The following BRINP3 variants were observed in gnomAD, a reference collection of about 807,000 sequenced individuals.
BRINP3 encodes BMP/retinoic acid inducible neural specific 3.
Under a neutral mutation model 71.0 loss-of-function variants are expected in BRINP3, and 19 were observed. The observed-to-expected ratio is 0.27, with a 90% CI of 0.19 to 0.39. BRINP3 has a LOEUF of 0.39. Among genes scored for constraint, BRINP3 ranks in the 10% least tolerant of loss-of-function variants. The pLI, the probability that BRINP3 is intolerant of heterozygous loss-of-function variation, is 1.00. For synonymous variants in BRINP3, 380 were observed against 337.7 expected, an observed-to-expected ratio of 1.13 and a Z score of -1.37; for missense variants, 959 against 940.8, an observed-to-expected ratio of 1.02 and a Z score of -0.25.
At chr1:190,349,244 G>T (rs1668215867) in intron 2 of BRINP3, among the ~76,000 whole-genome samples, 1 of 151,880 alleles carries the variant, frequency 6.6e-6, no homozygotes, top group African/African-American at 2.4e-5. Flanking sequence ...ACCAAAATTG[G>T]ATTTCTCTAT....
At chr1:190,190,905 T>A (rs1230578906) in intron 6 of BRINP3, among the ~76,000 whole-genome samples, 3 of 152,112 alleles carry the variant, frequency 2.0e-5, no homozygotes, top group African/African-American at 7.2e-5. Flanking sequence ...TATGTCACAA[T>A]CTTTTACATA....
intron 2 of BRINP3, among the ~76,000 whole-genome samples, chr1:190,432,865 A>T (rs1674191891): frequency 6.6e-6 from 1 of 152,184 alleles, no homozygotes; most frequent in East Asian, 1.9e-4. Flanking sequence ...GTTATTTGGG[A>T]CTGTAGCAAA....
chr1:190,242,431 T>C (rs924940704), intron 4 of BRINP3, among the ~76,000 whole-genome samples: 4 of 152,062 alleles, frequency 2.6e-5, no homozygotes, highest in African/African-American at 7.2e-5. Context: ...CAGTTTAAAA[T>C]AGTGTATGAT....
intron 7 of BRINP3, among the ~76,000 whole-genome samples, chr1:190,121,093 T>C (rs1456177334): frequency 1.3e-5 from 2 of 152,096 alleles, no homozygotes; most frequent in Non-Finnish European, 2.9e-5. Context: ...TATGAAATCA[T>C]GAATAAATAA....
At chr1:190,218,256 G>A (rs1033768090) in intron 6 of BRINP3, among the ~76,000 whole-genome samples, 1 of 151,938 alleles carries the variant, frequency 6.6e-6, no homozygotes, top group African/African-American at 2.4e-5. Context: ...GTACAGGTAA[G>A]CTTTGCTTGT....
intron 3 of BRINP3, 57 bp downstream of exon 3, chr1:190,281,503 T>C (rs1249322787): frequency 4.0e-6 from 6 of 1,502,678 alleles, no homozygotes; most frequent in African/African-American, 1.4e-5. Context: ...TTTTCTGCGA[T>C]TTATACGGTT....
chr1:190,382,379 C>G (rs1173989411), intron 2 of BRINP3, among the ~76,000 whole-genome samples: 1 of 152,086 alleles, frequency 6.6e-6, no homozygotes, highest in Non-Finnish European at 1.5e-5. Context: ...ACTGCATATT[C>G]AATAGCTGCT....
At chr1:190,147,568 T>C (rs886666430) in intron 7 of BRINP3, among the ~76,000 whole-genome samples, 1 of 152,204 alleles carries the variant, frequency 6.6e-6, no homozygotes, top group African/African-American at 2.4e-5. Flanking sequence ...CACCATGCGT[T>C]AATCTACCAT....
At chr1:190,352,048 A>AT (rs1446806619) in intron 2 of BRINP3, among the ~76,000 whole-genome samples, 2 of 152,050 alleles carry the variant, frequency 1.3e-5, no homozygotes, top group East Asian at 3.9e-4. Flanking sequence ...TCCAACCAAC[A>AT]TAATATACCC....
chr1:190,277,113 A>ATATATTTATATT, intron 3 of BRINP3, among the ~76,000 whole-genome samples: 1 of 107,486 alleles, frequency 9.3e-6, no homozygotes, highest in Non-Finnish European at 1.9e-5. Context: ...ATATATATAT[A>ATATATTTATATT]TATATTTATA....
intron 7 of BRINP3, among the ~76,000 whole-genome samples, chr1:190,112,229 A>T (rs1652756366): frequency 1.3e-5 from 2 of 152,202 alleles, no homozygotes; most frequent in African/African-American, 2.4e-5. Flanking sequence ...TGTTGAAGAT[A>T]AAACCTGGAG....
chr1:190,317,032 C>A (rs891060391), intron 2 of BRINP3, among the ~76,000 whole-genome samples: 2 of 151,548 alleles, frequency 1.3e-5, no homozygotes, highest in Admixed American at 6.6e-5. Context: ...ATTAGCCGGG[C>A]ATGATGGTGG....
Position 190,429,043 on chromosome 1 carries a change from T to A in BRINP3, c.236+25612A>T, listed in dbSNP as rs1191728033. ...TACTTGCTATAAATCAGATGCTGCTTTAGCTACTTTACATTTACTCATTCA... is the reference window on the plus strand; with the variant it reads ...TACTTGCTATAAATCAGATGCTGCTATAGCTACTTTACATTTACTCATTCA... On this transcript the variant is annotated intron_variant, in intron 2 of 7. Coordinates refer to ENST00000367462, the MANE Select transcript of BRINP3 (RefSeq NM_199051.3). Among the ~76,000 whole-genome samples the A allele has an allele frequency of 1.1e-4, 16 of 152,226 alleles. No homozygotes were observed. In the East Asian group the frequency reaches 3.1e-3, roughly 29 times the overall value.
intron 4 of BRINP3, 84 bp from the exon 5 acceptor site, chr1:190,234,561 T>TATCTGTCAA: frequency 1.0e-6 from 1 of 981,742 alleles, no homozygotes; most frequent in Non-Finnish European, 1.6e-6. Flanking sequence ...CACACTAATA[T>TATCTGTCAA]TATACGTTTG....
At chr1:190,207,431 A>G (rs1655608222) in intron 6 of BRINP3, among the ~76,000 whole-genome samples, 1 of 152,124 alleles carries the variant, frequency 6.6e-6, no homozygotes, top group African/African-American at 2.4e-5. Flanking sequence ...AGATCTTTAC[A>G]CTAGCACTTT....
Position 190,278,503 on chromosome 1 carries a change from T to A in BRINP3, c.427+3057A>T, listed in dbSNP as rs141718310. ...AGCAATAATTTTAAAATTGCCAAAA[T>A]CATTTCTGGTATACATTTTAATCGC... On this transcript the variant is annotated intron_variant, in intron 3 of 7. Transcript: ENST00000367462. Among the ~76,000 whole-genome samples the A allele has an allele frequency of 2.2e-4, 33 of 151,834 alleles. No homozygotes were observed. The East Asian group carries it at 6.4e-3, about 29-fold the overall frequency.
chr1:190,141,151 A>G (rs1655400290), intron 7 of BRINP3, among the ~76,000 whole-genome samples: 1 of 151,982 alleles, frequency 6.6e-6, no homozygotes, highest in South Asian at 2.1e-4. Flanking sequence ...TGAATGTTAT[A>G]CTCTTGCAGA....
intron 2 of BRINP3, among the ~76,000 whole-genome samples, chr1:190,399,823 T>G (rs1671811352): frequency 6.6e-6 from 1 of 152,022 alleles, no homozygotes; most frequent in South Asian, 2.1e-4. Flanking sequence ...CTTTTAGAAC[T>G]GTAAAGCATG....
intron 7 of BRINP3, among the ~76,000 whole-genome samples, chr1:190,100,501 G>T (rs913947735): frequency 6.6e-6 from 1 of 152,032 alleles, no homozygotes; most frequent in Non-Finnish European, 1.5e-5. Context: ...ATTGAATATT[G>T]AATAAAATGC....
Sources: gnomAD v4.1 joint callset for allele counts (sites outside exome capture counted in the v4.1 genomes callset) on GRCh38, gnomAD v4.1.1 for gene constraint, MANE v1.5 for transcripts, NCBI Gene and HGNC (gene_info 2026-07-23, HGNC 2026-07-21) for gene names.